EMC3: variants seen among roughly 807,000 people sequenced by gnomAD.
EMC3 encodes the protein ER membrane protein complex subunit 3.
Under a neutral mutation model 36.6 loss-of-function variants are expected in EMC3, and 13 were observed. The observed-to-expected ratio is 0.35, with a 90% CI of 0.23 to 0.56. The LOEUF (loss-of-function observed/expected upper bound fraction) is 0.56, where lower values mean the gene tolerates loss of function less well. EMC3 is among the 20% of genes least tolerant of loss of function. The pLI is 0.84. For missense variants in EMC3, 220 were observed against 324.5 expected, an observed-to-expected ratio of 0.68 and a Z score of 2.47; for synonymous variants, 120 against 111.9, an observed-to-expected ratio of 1.07 and a Z score of -0.46.
intron 1 of EMC3, among the ~76,000 whole-genome samples, chr3:9,979,755 G>A (rs1198988324): frequency 6.6e-6 from 1 of 152,214 alleles, no homozygotes; most frequent in Non-Finnish European, 1.5e-5. Flanking sequence ...GGAGGTGATG[G>A]AGTCTGGAAA....
intron 3 of EMC3, among the ~76,000 whole-genome samples, chr3:9,974,876 T>TA (rs2085828656): frequency 7.2e-6 from 1 of 138,714 alleles, no homozygotes; most frequent in Non-Finnish European, 1.6e-5. Context: ...TTTTTTTTTT[T>TA]TTGAGATGGA....
At chr3:9,987,310 C>A, upstream of EMC3, 27 of 985,502 alleles carry the variant, frequency 2.7e-5, no homozygotes, top group Non-Finnish European at 3.3e-5. Context: ...GCCCCGCTCC[C>A]CTGCGACCTA....
At chr3:9,995,881 G>A (rs1280264685) in intron 1 of EMC3, among the ~76,000 whole-genome samples, 1 of 151,764 alleles carries the variant, frequency 6.6e-6, no homozygotes, top group African/African-American at 2.4e-5. Context: ...GCAAATGATA[G>A]ATTTGCTGTG....
intron 1 of EMC3, among the ~76,000 whole-genome samples, chr3:9,998,428 T>G (rs2086156511): frequency 6.8e-6 from 1 of 147,762 alleles, no homozygotes; most frequent in Non-Finnish European, 1.5e-5. Flanking sequence ...AATGAATTAA[T>G]AATTTAATTT....
At chr3:10,001,282 C>A (rs921174689) in intron 1 of EMC3, among the ~76,000 whole-genome samples, 2 of 152,008 alleles carry the variant, frequency 1.3e-5, no homozygotes, top group African/African-American at 4.8e-5. Flanking sequence ...AATTTGTCGG[C>A]CGGGCATGGT....
intron 1 of EMC3, among the ~76,000 whole-genome samples, chr3:9,998,296 G>C (rs2086152661): frequency 6.6e-6 from 1 of 150,960 alleles, no homozygotes; most frequent in South Asian, 2.1e-4. Flanking sequence ...AACCCGGGAG[G>C]CAGAGCTTGC....
intron 6 of EMC3, 21 bp from the exon 7 acceptor site, chr3:9,969,822 ACATGAGTGC>A: frequency 6.2e-7 from 1 of 1,611,942 alleles, no homozygotes; most frequent in Non-Finnish European, 8.5e-7. Flanking sequence ...AGACACACTT[ACATGAGTGC>A]CAGGACTCAG....
At chr3:10,008,641 C>A in intron 1 of EMC3, 1 of 379,998 alleles carries the variant, frequency 2.6e-6, no homozygotes, top group South Asian at 2.0e-5. Context: ...CAAGTAGCAT[C>A]CCCAGCGAAA....
At chr3:9,985,823 G>A (rs895287337) in intron 1 of EMC3, among the ~76,000 whole-genome samples, 1 of 152,176 alleles carries the variant, frequency 6.6e-6, no homozygotes, top group Admixed American at 6.6e-5. Flanking sequence ...GAACCCGGGA[G>A]GCGTAGACTG....
chr3:9,964,059 T>C lies in EMC3; in HGVS notation c.*10A>G. ...CCAAGTTCCTGACACAGCTAATCCC[T>C]GCTCGGTCTTCAAAAAATAGAGGTC... On this transcript the variant is annotated 3_prime_UTR_variant, in exon 8 of 8. Coordinates refer to ENST00000245046, the MANE Select transcript of EMC3 (RefSeq NM_001394674.1). 1 of 1,614,000 alleles carries C rather than the reference T, an allele frequency of 6.2e-7. No homozygotes were observed. The highest frequency in any genetic ancestry group is 8.5e-7 in the Non-Finnish European group (1 of 1,179,922).
At chr3:9,969,669 G>T in intron 7 of EMC3, 50 bp downstream of exon 7, 2 of 1,613,738 alleles carry the variant, frequency 1.2e-6, no homozygotes, top group South Asian at 1.1e-5. Flanking sequence ...ATAGCTCTTG[G>T]TAACACCTTT....
intron 1 of EMC3, among the ~76,000 whole-genome samples, chr3:9,983,262 C>T (rs888262339): frequency 6.6e-6 from 1 of 151,942 alleles, no homozygotes; most frequent in African/African-American, 2.4e-5. Flanking sequence ...ATTCTCCTGC[C>T]TCAGGCTCCC....
intron 7 of EMC3, among the ~76,000 whole-genome samples, chr3:9,968,420 A>G (rs186563436): frequency 1.3e-5 from 2 of 152,370 alleles, no homozygotes; most frequent in Non-Finnish European, 2.9e-5. Flanking sequence ...TGCCATTTGC[A>G]AACAGAGATA....
At chr3:9,993,940 A>G (rs1361785176) in intron 1 of EMC3, among the ~76,000 whole-genome samples, 1 of 152,300 alleles carries the variant, frequency 6.6e-6, no homozygotes, top group East Asian at 1.9e-4. Context: ...ATGTACTATT[A>G]GGCTTATAAC....
chr3:9,987,879 A>G, upstream of EMC3: 1 of 801,992 alleles, frequency 1.2e-6, no homozygotes, highest in Non-Finnish European at 2.2e-6. Context: ...TGAGCAGAAC[A>G]CCATAGCTAA....
At chr3:9,973,043 T>G (rs1166087945) in intron 5 of EMC3, among the ~76,000 whole-genome samples, 1 of 151,660 alleles carries the variant, frequency 6.6e-6, no homozygotes, top group Non-Finnish European at 1.5e-5. Flanking sequence ...TTAGCCAGGA[T>G]GGTCTCAATC....
chr3:9,987,715 T>C (rs1404640242), upstream of EMC3: 16 of 404,072 alleles, frequency 4.0e-5, no homozygotes, highest in South Asian at 3.6e-4. Flanking sequence ...CCTCACAGAA[T>C]TCTGAAATTT....
intron 1 of EMC3, among the ~76,000 whole-genome samples, chr3:9,980,228 G>A (rs781208830): frequency 6.6e-6 from 1 of 151,902 alleles, no homozygotes; most frequent in Non-Finnish European, 1.5e-5. Context: ...TGGCCAGGCT[G>A]GTCTCGAATT....
intron 4 of EMC3, 93 bp from the exon 5 acceptor site, chr3:9,973,802 A>G: frequency 8.2e-7 from 1 of 1,220,748 alleles, no homozygotes; most frequent in Non-Finnish European, 1.2e-6. Flanking sequence ...ACTCTGTGCC[A>G]CATAGCTTTT....
Sources: gnomAD v4.1 joint callset for allele counts (sites outside exome capture counted in the v4.1 genomes callset) on GRCh38, gnomAD v4.1.1 for gene constraint, MANE v1.5 for transcripts, NCBI Gene and HGNC (gene_info 2026-07-23, HGNC 2026-07-21) for gene names.